The following TIMM44 variants were observed in gnomAD, a reference collection of about 807,000 sequenced individuals.
TIMM44 encodes translocase of inner mitochondrial membrane 44, also known as mitochondrial import inner membrane translocase subunit TIM44.
A neutral mutation model predicts 63.8 loss-of-function variants in TIMM44; 37 were observed. The ratio of observed to expected loss-of-function variants is 0.58; its 90% CI spans 0.45 to 0.76. The LOEUF is 0.76. Among genes scored for constraint, TIMM44 ranks in the 30% least tolerant of loss-of-function variants. The pLI is 0.00. For missense variants in TIMM44, 573 were observed against 603.8 expected (o/e 0.95, Z 0.54); for synonymous variants, 239 against 245.1 (o/e 0.98, Z 0.23).
rs901746486 is a variant in TIMM44 at position 7,934,975 on chromosome 19, C to T, written c.393+90G>A. Reference sequence around the variant, plus strand: ...ATGCCACCCACTGCTGCCAAGCCACCCCCACCCAGGAGCCGACTCTTCCTC... The same window carrying T: ...ATGCCACCCACTGCTGCCAAGCCACTCCCACCCAGGAGCCGACTCTTCCTC... On this transcript the variant is annotated intron_variant, in intron 4 of 12. Coordinates refer to ENST00000270538, the MANE Select transcript of TIMM44 (RefSeq NM_006351.4). The surrounding 1 kb of genome is among the most constrained non-coding windows in gnomAD (Gnocchi z 5.3). 9.2e-5 allele frequency: 116 copies of T among 1,266,166 alleles called. No homozygotes were observed. The highest frequency in any genetic ancestry group is 1.2e-4 in the Non-Finnish European group (111 of 888,328). 78.4% of individuals were successfully genotyped at this position (1,266,166 alleles called of 1,614,324 possible). A position where few individuals can be genotyped will look rare whatever the true frequency, so the allele number is the denominator to read the frequency against.
At chr19:7,932,478 C>T (rs925209868) in intron 9 of TIMM44, 149 bp downstream of exon 9, 33 of 1,126,920 alleles carry the variant, frequency 2.9e-5, no homozygotes, top group African/African-American at 7.7e-5. Context: ...CAGCTGCAGC[C>T]GGGCAGGAGC....
chr19:7,938,963 G>A (rs894332955), intron 2 of TIMM44, among the ~76,000 whole-genome samples: 3 of 152,008 alleles, frequency 2.0e-5, no homozygotes, highest in Non-Finnish European at 2.9e-5. Context: ...GACCGTTCTG[G>A]AAAAGGCAAA....
At position 7,928,218 on chromosome 19, in the gene TIMM44, C is replaced by T. The variant is rs377412091; in HGVS notation, c.1039-52G>A. 345 of 1,493,752 alleles carry T rather than the reference C, an allele frequency of 2.3e-4. 2 individuals are homozygous for T. Among genetic ancestry groups the T allele is most frequent in the East Asian group, 5.1e-4 (22 of 42,870 alleles). 92.5% of individuals were successfully genotyped at this position (1,493,752 alleles called of 1,614,324 possible). A position where few individuals can be genotyped will look rare whatever the true frequency, so the allele number is the denominator to read the frequency against. ...GTGATGCCACCCAGGGTGGGCACCA[C>T]GCCACACAGAGCTGCTGCCCACACA... is the stretch of plus-strand genomic sequence containing the variant. On this transcript the variant is annotated intron_variant, in intron 10 of 12. Coordinates refer to ENST00000270538, the MANE Select transcript of TIMM44 (RefSeq NM_006351.4).
Position 7,927,087 on chromosome 19 carries a change from C to G in TIMM44, c.*100G>C. On this transcript the variant is annotated 3_prime_UTR_variant, in exon 13 of 13. Coordinates refer to ENST00000270538, the MANE Select transcript of TIMM44 (RefSeq NM_006351.4). ...TCCTGGCAGAGCTGGGGGCAGAGCC[C>G]GCAGTCTTGTTCCCAGAGGTCTGGA... 1 of 1,495,428 alleles carries G rather than the reference C, an allele frequency of 6.7e-7. No homozygotes were observed. The highest frequency in any genetic ancestry group is 1.2e-5 in the South Asian group (1 of 82,844). 92.6% of individuals were successfully genotyped at this position (1,495,428 alleles called of 1,614,324 possible).
intron 10 of TIMM44, among the ~76,000 whole-genome samples, chr19:7,930,508 T>C (rs906766929): frequency 1.3e-5 from 2 of 152,158 alleles, no homozygotes; most frequent in Admixed American, 1.3e-4. Context: ...GGTTTCACCA[T>C]GTTGCCCAGG....
Position 7,933,958 on chromosome 19 carries a change from G to C in TIMM44, c.589C>G (p.Gln197Glu), listed in dbSNP as rs749886561. 3.7e-6 allele frequency: 6 copies of C among 1,614,156 alleles called. No individual in the cohort carries two copies. Among genetic ancestry groups the C allele is most frequent in the Non-Finnish European group, 5.1e-6 (6 of 1,180,042 alleles). The change falls in exon 6 of 13, where the codon CAG (glutamine) becomes GAG (glutamate). Residue 197 changes from glutamine to glutamate, a missense_variant. Gln to Glu is a conservative substitution (Grantham distance 29). Coordinates refer to ENST00000270538, the MANE Select transcript of TIMM44 (RefSeq NM_006351.4). The surrounding 1 kb of genome is among the most constrained non-coding windows in gnomAD (Gnocchi z 4.3). ...KKEIDDSVLG[Q>E]TGPYRRPQRL... ...TGGGGCCTCCGGTAGGGCCCGGTCT[G>C]TCCCAGGACGCTGTCGTCAATTTCC... is the stretch of plus-strand genomic sequence containing the variant.
At chr19:7,937,887 G>A (rs1984198627) in intron 3 of TIMM44, 140 bp downstream of exon 3, 3 of 990,352 alleles carry the variant, frequency 3.0e-6, no homozygotes, top group African/African-American at 1.6e-5. Context: ...GCGTGGTGGT[G>A]CGCGCCTGTA....
At position 7,931,727 on chromosome 19, in the gene TIMM44, G is replaced by A. The variant is rs573636775; in HGVS notation, c.988-539C>T. ...GGATCCTGGAGCCTGGGCCGGATCC[G>A]ATGAGGGGGAGGGAGGTGCCTGGAG... On this transcript the variant is annotated intron_variant, in intron 9 of 12. Transcript: ENST00000270538. 2.7e-3 allele frequency: 440 copies of A among 164,430 alleles called. 1 individual carries two copies. Among genetic ancestry groups the A allele is most frequent in the African/African-American group, 9.9e-3 (413 of 41,674 alleles). 10.2% of individuals were successfully genotyped at this position (164,430 alleles called of 1,614,324 possible). A position where few individuals can be genotyped will look rare whatever the true frequency, so the allele number is the denominator to read the frequency against.
At chr19:7,927,364 TG>T (rs34491552) in intron 12 of TIMM44, 58 bp from the exon 13 acceptor site, 413,508 of 1,510,420 alleles carry the variant, frequency 0.27, 56,944 homozygotes, top group Non-Finnish European at 0.31. Flanking sequence ...CAGGCAGCTC[TG>T]GGGGGGGGCC....
rs1207280320 is a variant in TIMM44, at chr19:7,933,777, G to C, written c.683+87C>G. ...AAGGCAAACTCAAGAAACGGACTCA[G>C]GAGGGAACCATTGGTGGGCTCCCGA... On this transcript the variant is annotated intron_variant, in intron 6 of 12. Transcript: ENST00000270538. The surrounding 1 kb of genome is among the most constrained non-coding windows in gnomAD (Gnocchi z 4.3). 4.4e-6 allele frequency: 7 copies of C among 1,580,602 alleles called. No homozygotes were observed. The Admixed American group carries it at 1.2e-4, about 26-fold the overall frequency.
intron 10 of TIMM44, among the ~76,000 whole-genome samples, chr19:7,929,546 G>C (rs1170976334): frequency 1.3e-5 from 2 of 152,148 alleles, no homozygotes; most frequent in Admixed American, 1.3e-4. Flanking sequence ...TACCTCTGTG[G>C]GTTCCCTCTG....
intron 3 of TIMM44, among the ~76,000 whole-genome samples, chr19:7,935,687 T>C (rs900123834): frequency 1.3e-5 from 2 of 152,198 alleles, no homozygotes; most frequent in African/African-American, 4.8e-5. Flanking sequence ...GCTTGGCAGC[T>C]ACCTCCTGAG....
At chr19:7,942,947 C>G (rs1292584365) in intron 1 of TIMM44, among the ~76,000 whole-genome samples, 2 of 148,040 alleles carry the variant, frequency 1.4e-5, no homozygotes, top group East Asian at 4.1e-4. Context: ...AGGAGAATCG[C>G]TTGAACCCGG....
chr19:7,933,409 A>C lies in TIMM44; in HGVS notation c.769+76T>G. On this transcript the variant is annotated intron_variant, in intron 7 of 12. Coordinates refer to ENST00000270538, the MANE Select transcript of TIMM44 (RefSeq NM_006351.4). This position sits in a 1 kb window ranked among gnomAD's most constrained non-coding sequence, Gnocchi z 4.3. ...TGCAAAACGGGGCTGTCTTGTGCCC[A>C]ATGCAGGGGGATCACCTTGCGGTCC... 7.5e-7 allele frequency: 1 copy of C among 1,328,280 alleles called. No individual in the cohort carries two copies. Among genetic ancestry groups the C allele is most frequent in the Non-Finnish European group, 1.1e-6 (1 of 919,008 alleles). The allele number at this position is 1,328,280 out of a possible 1,614,324, so 82.3% of individuals were successfully genotyped here. A position where few individuals can be genotyped will look rare whatever the true frequency, so the allele number is the denominator to read the frequency against.
rs1032712005 is a variant in TIMM44 at position 7,932,689 on chromosome 19, C to T, written c.925G>A (p.Ala309Thr). 5 of 1,614,162 alleles carry T rather than the reference C, an allele frequency of 3.1e-6. No individual in the cohort carries two copies. The East Asian group carries it at 1.1e-4, about 36-fold the overall frequency. ...VLTEILRVDP[A>T]FDKDRFLKQC... ...TTCAGAAACCGGTCCTTGTCAAAGG[C>T]CGGGTCCACCCGGAGGATCTCCGTG... The change falls in exon 9 of 13, where the codon GCC (alanine) becomes ACC (threonine). Residue 309 changes from alanine to threonine, a missense_variant. By Grantham distance (58) the Ala-to-Thr change is moderately conservative. Coordinates refer to ENST00000270538, the MANE Select transcript of TIMM44 (RefSeq NM_006351.4).
intron 10 of TIMM44, among the ~76,000 whole-genome samples, chr19:7,929,299 G>A (rs1983912524): frequency 6.6e-6 from 1 of 152,174 alleles, no homozygotes; most frequent in Admixed American, 6.5e-5. Context: ...CCCAAGCTTT[G>A]ACTCTGAGAA....
Position 7,935,342 on chromosome 19 carries a change from T to A in TIMM44, c.313-197A>T. ...ACCATGCCTGGCTAATTTTTGTATT[T>A]TCAGTAGAGACAGGGTTTTACCACG... On this transcript the variant is annotated intron_variant, in intron 3 of 12. Transcript: ENST00000270538. 5.2e-6 allele frequency: 3 copies of A among 577,390 alleles called. No individual in the cohort carries two copies. The South Asian group carries it at 6.0e-5, about 11-fold the overall frequency. The allele number at this position is 577,390 out of a possible 1,614,324, so 35.8% of individuals were successfully genotyped here.
rs768367759 is a variant in TIMM44 at position 7,934,265 on chromosome 19, C to T, written c.394-27G>A. 9 of 1,608,832 alleles carry T rather than the reference C, an allele frequency of 5.6e-6. No individual in the cohort carries two copies. Among genetic ancestry groups the T allele is most frequent in the Middle Eastern group, 1.7e-4 (1 of 6,054 alleles). Reference sequence around the variant, plus strand: ...TACTGAGACAGACACAGAGAGGGGGCGTTGGCACCGGCCCTGGCGGCCGGG... The same window carrying T: ...TACTGAGACAGACACAGAGAGGGGGTGTTGGCACCGGCCCTGGCGGCCGGG... On this transcript the variant is annotated intron_variant, in intron 4 of 12. Transcript: ENST00000270538. The surrounding 1 kb of genome is among the most constrained non-coding windows in gnomAD (Gnocchi z 5.3).
At position 7,927,111 on chromosome 19, in the gene TIMM44, G is replaced by C. The variant is rs1262372870; in HGVS notation, c.*76C>G. On this transcript the variant is annotated 3_prime_UTR_variant, in exon 13 of 13. Coordinates refer to ENST00000270538, the MANE Select transcript of TIMM44 (RefSeq NM_006351.4). ...CCGCAGTCTTGTTCCCAGAGGTCTG[G>C]AGTTGCCGCAGGTGGTGTTGCGGTG... 6.5e-7 allele frequency: 1 copy of C among 1,538,504 alleles called. No homozygotes were observed. Among genetic ancestry groups the C allele is most frequent in the Non-Finnish European group, 8.7e-7 (1 of 1,146,528 alleles).
Sources: allele counts gnomAD v4.1 joint callset (sites outside exome capture counted in the v4.1 genomes callset), GRCh38; gene constraint gnomAD v4.1.1; non-coding constraint Gnocchi (gnomAD v3.1); transcripts MANE v1.5; gene names NCBI Gene and HGNC (gene_info 2026-07-23, HGNC 2026-07-21).